Variants in FRAS1 observed in about 807,000 individuals in gnomAD.
FRAS1 encodes extracellular matrix organizing protein FRAS1.
In FRAS1, 290 loss-of-function variants were observed where a neutral mutation model predicts 435.2. The observed-to-expected ratio is 0.67, with a 90% CI of 0.61 to 0.73. FRAS1 has a LOEUF of 0.73. FRAS1 is among the 30% of genes least tolerant of loss of function. The pLI is 0.00. For missense variants in FRAS1, 4,860 were observed against 5,001.5 expected (o/e 0.97, Z 0.85); for synonymous variants, 1,800 against 1,851.0 (o/e 0.97, Z 0.71).
At chr4:78,502,439 C>T (rs1443448748) in intron 61 of FRAS1, among the ~76,000 whole-genome samples, 1 of 152,208 alleles carries the variant, frequency 6.6e-6, no homozygotes, top group Non-Finnish European at 1.5e-5. Context: ...CTTCATGTCC[C>T]TTGTAAGTTG....
Position 78,374,264 on chromosome 4 carries a change from C to T in FRAS1, c.3151+13C>T. ...CACAAATGCACAGGTAACTTGGAGA[C>T]TGCTGATTATTCTGGAAAGAAGTGA... On this transcript the variant is annotated intron_variant, in intron 25 of 73. Coordinates refer to ENST00000512123, the MANE Select transcript of FRAS1 (RefSeq NM_025074.7). 2 of 1,562,574 alleles carry T rather than the reference C, an allele frequency of 1.3e-6. No homozygotes were observed. The highest frequency in any genetic ancestry group is 1.8e-6 in the Non-Finnish European group (2 of 1,142,636).
intron 2 of FRAS1, among the ~76,000 whole-genome samples, chr4:78,075,333 T>C (rs1740585137): frequency 6.6e-6 from 1 of 152,120 alleles, no homozygotes; most frequent in Non-Finnish European, 1.5e-5. Flanking sequence ...TTTGATTCCT[T>C]GAGGAGTTGG....
In FRAS1 at chr4:78,281,022, T is replaced by G. The variant is rs114668648; in HGVS notation, c.1072-376T>G. 4.1e-3 allele frequency among the ~76,000 whole-genome samples: 622 copies of G among 152,288 alleles called. 3 individuals are homozygous for G. The highest frequency in any genetic ancestry group is 0.014 in the African/African-American group (602 of 41,574). ...TTCCTACTCATTTTTGGAGATAAAC[T>G]CAGTGAAATTAAAGAAAACAAAGTT... On this transcript the variant is annotated intron_variant, in intron 10 of 73. Transcript: ENST00000512123.
chr4:78,272,333 A>C (rs1325058459), intron 9 of FRAS1, among the ~76,000 whole-genome samples: 1 of 152,116 alleles, frequency 6.6e-6, no homozygotes, highest in Admixed American at 6.5e-5. Context: ...CCATTTGTCA[A>C]TTTTGGCTTT....
intron 2 of FRAS1, among the ~76,000 whole-genome samples, chr4:78,136,808 A>G (rs954202660): frequency 1.3e-5 from 2 of 152,336 alleles, no homozygotes; most frequent in African/African-American, 2.4e-5. Flanking sequence ...ACTGAAGCAC[A>G]GTGGAGATGA....
At chr4:78,173,929 T>C (rs1578166586) in intron 2 of FRAS1, among the ~76,000 whole-genome samples, 1 of 152,346 alleles carries the variant, frequency 6.6e-6, no homozygotes, top group Admixed American at 6.5e-5. Flanking sequence ...GTGCTTAATA[T>C]TTCTTACTAA....
At chr4:78,329,957 T>C in intron 18 of FRAS1, among the ~76,000 whole-genome samples, 1 of 152,142 alleles carries the variant, frequency 6.6e-6, no homozygotes. Flanking sequence ...TCAGCTTGTT[T>C]TTAGTGTGCC....
intron 2 of FRAS1, among the ~76,000 whole-genome samples, chr4:78,124,967 G>GT (rs543285139): frequency 7.6e-4 from 116 of 152,118 alleles, no homozygotes; most frequent in African/African-American, 2.7e-3. Flanking sequence ...TTTTTGAAGG[G>GT]TTTTTTATGT....
chr4:78,121,767 G>A (rs1197500312), intron 2 of FRAS1, among the ~76,000 whole-genome samples: 1 of 152,172 alleles, frequency 6.6e-6, no homozygotes, highest in Non-Finnish European at 1.5e-5. Flanking sequence ...CAGTGCAGAA[G>A]ACTTGGCTGT....
rs182797579 is a variant in FRAS1 at position 78,463,894 on chromosome 4, G to A, written c.6764-127G>A. On this transcript the variant is annotated intron_variant, in intron 47 of 73. Coordinates refer to ENST00000512123, the MANE Select transcript of FRAS1 (RefSeq NM_025074.7). ...CTAACAACAAGGTCCTCAAGTGGAG[G>A]AAATAAATGCTATAAGAAAAATACA... 2.9e-4 allele frequency: 297 copies of A among 1,032,414 alleles called. No homozygotes were observed. In the African/African-American group the frequency reaches 4.4e-3, roughly 15 times the overall value. The allele number at this position is 1,032,414 out of a possible 1,614,324, so 64.0% of individuals were successfully genotyped here. A position where few individuals can be genotyped will look rare whatever the true frequency, so the allele number is the denominator to read the frequency against.
chr4:78,464,600 C>T lies in FRAS1; in HGVS notation c.7029+17C>T. On this transcript the variant is annotated intron_variant, in intron 49 of 73. Coordinates refer to ENST00000512123, the MANE Select transcript of FRAS1 (RefSeq NM_025074.7). ...GACACAGAGGTAAGAGCACTTCTTC[C>T]CATGGGTTCTCTGGCTAAATGAGAG... 1 of 1,612,486 alleles carries T rather than the reference C, an allele frequency of 6.2e-7. No individual in the cohort carries two copies. The highest frequency in any genetic ancestry group is 1.7e-5 in the Admixed American group (1 of 59,910).
intron 2 of FRAS1, among the ~76,000 whole-genome samples, chr4:78,144,596 A>T (rs1438066691): frequency 6.6e-6 from 1 of 152,144 alleles, no homozygotes; most frequent in Non-Finnish European, 1.5e-5. Flanking sequence ...ATAAATATGC[A>T]AAAAGAAGAA....
At position 78,333,302 on chromosome 4, in the gene FRAS1, G is replaced by T; in HGVS notation, c.2168G>T (p.Gly723Val). Residue 723 changes from glycine to valine, a missense_variant, in exon 19 of 74, where the codon GGG (glycine) becomes GTG (valine). Gly to Val is a moderately radical substitution (Grantham distance 109). Transcript: ENST00000512123. ...ACHQSCFRCA[G>V]KSPHNCTDCG... ...CACCAGTCCTGTTTCAGATGTGCAG[G>T]GAAAAGCCCACATAACTGCACAGAC... 1 of 1,610,822 alleles carries T rather than the reference G, an allele frequency of 6.2e-7. No homozygotes were observed. The highest frequency in any genetic ancestry group is 2.2e-5 in the East Asian group (1 of 44,724).
chr4:78,369,905 G>C lies in FRAS1; in HGVS notation c.2790G>C (p.Lys930Asn), dbSNP rs371266916. The stretch of plus-strand genomic sequence containing the variant: ...GTACCTCCTGCCGAGATCCAAACAA[G>C]GTTCTGCTCTTTGGGGAATGTCAAT... ...ASCTSCRDPNKVLLFGECQYE... is the reference protein window; with the variant it reads ...ASCTSCRDPNNVLLFGECQYE... Residue 930 changes from lysine to asparagine, a missense_variant, in exon 23 of 74, where the codon AAG becomes AAC. By Grantham distance (94) the Lys-to-Asn change is moderately conservative (BLOSUM62 0). Coordinates refer to ENST00000512123, the MANE Select transcript of FRAS1 (RefSeq NM_025074.7). 6.8e-6 allele frequency: 11 copies of C among 1,613,722 alleles called. No homozygotes were observed. The highest frequency in any genetic ancestry group is 9.3e-6 in the Non-Finnish European group (11 of 1,179,792).
chr4:78,532,209 G>A (rs1721737404), intron 70 of FRAS1, among the ~76,000 whole-genome samples: 1 of 152,184 alleles, frequency 6.6e-6, no homozygotes, highest in Non-Finnish European at 1.5e-5. Flanking sequence ...CACCCTGGCT[G>A]ACTGGTCATT....
At chr4:78,479,323 T>A in intron 55 of FRAS1, 51 bp from the exon 56 acceptor site, 2 of 1,258,926 alleles carry the variant, frequency 1.6e-6, no homozygotes, top group Non-Finnish European at 2.1e-6. Context: ...GGTTTTAAAA[T>A]CTGAGAAGCA....
intron 2 of FRAS1, among the ~76,000 whole-genome samples, chr4:78,146,469 A>G (rs1720425885): frequency 6.6e-6 from 1 of 152,014 alleles, no homozygotes; most frequent in Non-Finnish European, 1.5e-5. Flanking sequence ...TCCTCTTCCT[A>G]TCCTCCCAAG....
chr4:78,367,191 G>A (rs1307541508), intron 22 of FRAS1, among the ~76,000 whole-genome samples: 1 of 152,112 alleles, frequency 6.6e-6, no homozygotes, highest in African/African-American at 2.4e-5. Flanking sequence ...GATCATTTGA[G>A]GCCAGGAGTT....
chr4:78,254,691 C>A (rs1423720802), intron 5 of FRAS1, among the ~76,000 whole-genome samples: 4 of 152,044 alleles, frequency 2.6e-5, no homozygotes, highest in Non-Finnish European at 4.4e-5. Context: ...GGGCCAACAA[C>A]ATAATTTGCA....
Sources: allele counts gnomAD v4.1 joint callset (sites outside exome capture counted in the v4.1 genomes callset), GRCh38; gene constraint gnomAD v4.1.1; transcripts MANE v1.5; gene names NCBI Gene and HGNC (gene_info 2026-07-23, HGNC 2026-07-21).